SBF1: variants seen among roughly 807,000 people sequenced by gnomAD.
SBF1 encodes myotubularin-related protein 5.
A neutral mutation model predicts 215.8 loss-of-function variants in SBF1; 65 were observed. The ratio of observed to expected loss-of-function variants is 0.30; its 90% CI spans 0.25 to 0.37. The LOEUF is 0.37. Ranked by LOEUF, SBF1 falls within the 10% of genes least tolerant of loss-of-function variation. The pLI is 1.00. For missense variants in SBF1, 2,634 were observed against 2,667.8 expected (o/e 0.99, Z 0.28); for synonymous variants, 1,410 against 1,122.8 (o/e 1.26, Z -5.11).
intron 15 of SBF1, among the ~76,000 whole-genome samples, chr22:50,464,118 G>A (rs1603433427): frequency 1.3e-5 from 2 of 152,210 alleles, no homozygotes; most frequent in African/African-American, 4.8e-5. Flanking sequence ...CTCCCTGGCT[G>A]GGTCTCCCGC....
chr22:50,456,037 G>C (rs2067232837), intron 31 of SBF1, 179 bp downstream of exon 31: 1 of 676,554 alleles, frequency 1.5e-6, no homozygotes, highest in African/African-American at 1.8e-5. Flanking sequence ...GCTGGCCCCA[G>C]CCAGGCCCAG....
Position 50,448,427 on chromosome 22 carries a change from G to C in SBF1, c.5169C>G (p.Leu1723=), listed in dbSNP as rs2066918800. The C allele has an allele frequency of 1.2e-6, 2 of 1,613,800 alleles. No homozygotes were observed. The highest frequency in any genetic ancestry group is 1.7e-6 in the Non-Finnish European group (2 of 1,179,972). ...GGTGGTGGGGTGCGGTGGACACAAGGAGGGAGCTAGGGGTGCCCTGGGAAC... is the reference window on the plus strand; with the variant it reads ...GGTGGTGGGGTGCGGTGGACACAAGCAGGGAGCTAGGGGTGCCCTGGGAAC... The part of the protein sequence containing the change: ...RPDGRGTPSS[L]LVSTAPHHRR... The change falls in exon 38 of 41, where the codon CTC becomes CTG. Residue 1723 remains leucine (L), a synonymous_variant. Coordinates refer to ENST00000380817, the MANE Select transcript of SBF1 (RefSeq NM_002972.4).
At chr22:50,453,139 C>T (rs541044574) in intron 36 of SBF1, among the ~76,000 whole-genome samples, 16 of 152,172 alleles carry the variant, frequency 1.1e-4, no homozygotes, top group Non-Finnish European at 2.1e-4. Flanking sequence ...GACCCAACTA[C>T]ATCTACATTC....
intron 29 of SBF1, 140 bp downstream of exon 29, chr22:50,456,894 G>A (rs1011065094): frequency 1.3e-6 from 1 of 772,934 alleles, no homozygotes; most frequent in Non-Finnish European, 2.0e-6. Context: ...GGGTCAGGGA[G>A]GTAAGGACTG....
In SBF1 at chr22:50,474,946, G is replaced by C; in HGVS notation, c.-106C>G. 1 of 762,722 alleles carries C rather than the reference G, an allele frequency of 1.3e-6. No homozygotes were observed. Among genetic ancestry groups the C allele is most frequent in the South Asian group, 3.0e-5 (1 of 33,416 alleles). The allele number at this position is 762,722 out of a possible 1,614,324, so 47.2% of individuals were successfully genotyped here. On this transcript the variant is annotated 5_prime_UTR_variant, in exon 1 of 41. Transcript: ENST00000380817. ...GCCCCGGCCCTGGACCGCGCACCCC[G>C]GACACCCCTGGTTCGCTCCGCGGCG...
chr22:50,468,254 C>G (rs1007747391), intron 2 of SBF1, 122 bp downstream of exon 2: 4 of 943,258 alleles, frequency 4.2e-6, no homozygotes, highest in Non-Finnish European at 6.4e-6. Flanking sequence ...GCTCTGCTGT[C>G]TTGTCCCTAG....
In SBF1 at chr22:50,460,304, G is replaced by A. The variant is rs749516637; in HGVS notation, c.3251C>T (p.Pro1084Leu). The change falls in exon 25 of 41, where the codon CCG becomes CTG. Residue 1084 changes from proline (P) to leucine (L), a missense_variant. Coordinates refer to ENST00000380817, the MANE Select transcript of SBF1 (RefSeq NM_002972.4). ...CTCGTCCTCCTGGTCCTCAGGGGGC[G>A]GCTGGCCCCGGTGCTCCCAGCTGGG... is the stretch of plus-strand genomic sequence containing the variant. ...NPPSWEHRGQ[P>L]PPEDQEDEIS... 1.5e-4 allele frequency: 248 copies of A among 1,610,768 alleles called. No individual in the cohort carries two copies. The highest frequency in any genetic ancestry group is 6.6e-4 in the Middle Eastern group (4 of 6,070).
chr22:50,460,445 A>C (rs754276807), intron 24 of SBF1, 37 bp from the exon 25 acceptor site: 6 of 1,601,732 alleles, frequency 3.7e-6, no homozygotes, highest in South Asian at 2.2e-5. Flanking sequence ...TGAGAGGAGG[A>C]GGGACAAAGA....
Position 50,447,223 on chromosome 22 carries a change from G to A in SBF1, c.5601C>T (p.Arg1867=), listed in dbSNP as rs751391089. ...KAFFDVKTTR[R]VYNFCAQDVP... The stretch of plus-strand genomic sequence containing the variant: ...CGTCCTGGGCACAGAAGTTGTAAAC[G>A]CGACGCGTTGTCTTCACCTGGGGAA... The change falls in exon 41 of 41, where the codon CGC becomes CGT. Residue 1867 remains arginine (R), a synonymous_variant. Transcript: ENST00000380817. The A allele has an allele frequency of 1.4e-5, 23 of 1,613,814 alleles. No homozygotes were observed. Among genetic ancestry groups the A allele is most frequent in the African/African-American group, 8.0e-5 (6 of 74,934 alleles).
At chr22:50,449,566 G>A (rs2066962638) in intron 36 of SBF1, among the ~76,000 whole-genome samples, 1 of 151,362 alleles carries the variant, frequency 6.6e-6, no homozygotes, top group Non-Finnish European at 1.5e-5. Flanking sequence ...AGTGAGCCGA[G>A]ATCACACCAC....
At chr22:50,470,880 C>T (rs1279619992) in intron 1 of SBF1, among the ~76,000 whole-genome samples, 1 of 152,206 alleles carries the variant, frequency 6.6e-6, no homozygotes, top group Non-Finnish European at 1.5e-5. Context: ...CAGCCCTCAG[C>T]TGTGAGCAGC....
At position 50,445,685 on chromosome 22, in the gene SBF1, C is replaced by G. The variant is rs1457320551; in HGVS notation, c.*1457G>C. On this transcript the variant is annotated 3_prime_UTR_variant, in exon 41 of 41. Coordinates refer to ENST00000380817, the MANE Select transcript of SBF1 (RefSeq NM_002972.4). ...CTGTCCGGCCTGAGGGAAGACCTGG[C>G]TGGTTTCAGTGGCTCAAGTGAGCCC... 6.6e-6 allele frequency: 1 copy of G among 152,312 alleles called. No individual in the cohort carries two copies. Among genetic ancestry groups the G allele is most frequent in the African/African-American group, 2.4e-5 (1 of 41,456 alleles). The allele number at this position is 152,312 out of a possible 1,614,324, so 9.4% of individuals were successfully genotyped here. A position where few individuals can be genotyped will look rare whatever the true frequency, so the allele number is the denominator to read the frequency against.
intron 11 of SBF1, 28 bp from the exon 12 acceptor site, chr22:50,465,157 C>T: frequency 6.2e-7 from 1 of 1,613,918 alleles, no homozygotes; most frequent in Non-Finnish European, 8.5e-7. Flanking sequence ...GTCGGTCCCT[C>T]AGGGGTCTCC....
rs1196404111 is a variant in SBF1, at chr22:50,447,531, G to A, written c.5442C>T (p.Thr1814=). ...WKARWFVLDK[T]KHQLRYYDHR... ...CCACCTGATCACTCACCTGGTGCTT[G>A]GTCTTGTCCAGCACGAACCAGCGGG... Residue 1814 remains threonine (T), a synonymous_variant, in exon 39 of 41, where the codon ACC becomes ACT. Coordinates refer to ENST00000380817, the MANE Select transcript of SBF1 (RefSeq NM_002972.4). 5 of 1,611,130 alleles carry A rather than the reference G, an allele frequency of 3.1e-6. No individual in the cohort carries two copies. Among genetic ancestry groups the A allele is most frequent in the Non-Finnish European group, 3.4e-6 (4 of 1,178,004 alleles).
chr22:50,464,588 G>T lies in SBF1; in HGVS notation c.1582C>A (p.Pro528Thr). ...DQAAAKMQGA[P>T]PAVKAERRTT... ...CTCCTCTCGGCCTTCACAGCTGGGG[G>T]TGCACCCTGCATCTTGGCTGCAGCC... The change falls in exon 14 of 41, where the codon CCC (proline) becomes ACC (threonine). Residue 528 changes from proline (P) to threonine (T), a missense_variant. Physicochemically the swap from Pro to Thr is conservative, Grantham distance 38 (BLOSUM62 -1). Transcript: ENST00000380817. The T allele has an allele frequency of 6.2e-7, 1 of 1,612,140 alleles. No individual in the cohort carries two copies. The highest frequency in any genetic ancestry group is 8.5e-7 in the Non-Finnish European group (1 of 1,179,802).
In SBF1 at chr22:50,457,083, C is replaced by A. The variant is rs770879316; in HGVS notation, c.3855G>T (p.Thr1285=). ...CCGAGGCCGCCATGGGGTTGGACAGCGTGGTGACCCTGGCTCTGGGGCTGG... is the reference window on the plus strand; with the variant it reads ...CCGAGGCCGCCATGGGGTTGGACAGAGTGGTGACCCTGGCTCTGGGGCTGG... ...HVPSPRARVT[T]LSNPMAASAS... Residue 1285 remains threonine (T), a synonymous_variant, in exon 29 of 41, where the codon ACG becomes ACT. Coordinates refer to ENST00000380817, the MANE Select transcript of SBF1 (RefSeq NM_002972.4). 6.7e-7 allele frequency: 1 copy of A among 1,487,642 alleles called. No individual in the cohort carries two copies. Among genetic ancestry groups the A allele is most frequent in the South Asian group, 1.4e-5 (1 of 71,974 alleles). The allele number at this position is 1,487,642 out of a possible 1,614,324, so 92.2% of individuals were successfully genotyped here.
chr22:50,474,697 C>A, intron 1 of SBF1, 89 bp downstream of exon 1: 1 of 1,134,690 alleles, frequency 8.8e-7, no homozygotes, highest in Non-Finnish European at 1.2e-6. Flanking sequence ...CGGCCCCCAG[C>A]CCCCGGCCCT....
chr22:50,455,504 C>A lies in SBF1; in HGVS notation c.4345G>T (p.Asp1449Tyr). 1.2e-6 allele frequency: 2 copies of A among 1,607,844 alleles called. No individual in the cohort carries two copies. The highest frequency in any genetic ancestry group is 8.5e-7 in the Non-Finnish European group (1 of 1,177,486). ...ACCTGGGTGGTGATGTCCCAGCCAT[C>A]CTCCAGGCCCACCAGCACGGAGGAG... ...SGSSVLVGLE[D>Y]GWDITTQVVS... Residue 1449 changes from aspartate to tyrosine, a missense_variant, in exon 32 of 41, where the codon GAT becomes TAT. Asp to Tyr is a radical substitution (Grantham distance 160, BLOSUM62 -3). Transcript: ENST00000380817.
intron 23 of SBF1, 78 bp downstream of exon 23, chr22:50,461,081 G>A: frequency 6.6e-7 from 1 of 1,504,466 alleles, no homozygotes; most frequent in South Asian, 1.3e-5. Flanking sequence ...CCTAAAAATG[G>A]TTCATACAAG....
Sources: allele counts gnomAD v4.1 joint callset (sites outside exome capture counted in the v4.1 genomes callset), GRCh38; gene constraint gnomAD v4.1.1; transcripts MANE v1.5; gene names NCBI Gene and HGNC (gene_info 2026-07-23, HGNC 2026-07-21).